GTF2E1: variants seen among roughly 807,000 people sequenced by gnomAD.
The protein encoded by GTF2E1 is TFIIE alpha subunit.
A neutral mutation model predicts 34.9 loss-of-function variants in GTF2E1; 14 were observed. The observed-to-expected ratio is 0.40, with a 90% CI of 0.27 to 0.63. The LOEUF is 0.63. GTF2E1 is among the 20% of genes least tolerant of loss of function. The pLI is 0.39. For synonymous variants in GTF2E1, 188 were observed against 192.9 expected (o/e 0.97, Z 0.21); for missense variants, 469 against 557.7 (o/e 0.84, Z 1.60).
At chr3:120,752,918 TA>T (rs911101004) in intron 2 of GTF2E1, among the ~76,000 whole-genome samples, 3 of 152,156 alleles carry the variant, frequency 2.0e-5, no homozygotes, top group African/African-American at 7.2e-5. Flanking sequence ...CACTAATGCT[TA>T]ATTGGCAGTT....
intron 2 of GTF2E1, among the ~76,000 whole-genome samples, chr3:120,762,007 G>A (rs1709268499): frequency 6.6e-6 from 1 of 152,002 alleles, no homozygotes; most frequent in South Asian, 2.1e-4. Context: ...AGCCAGGATG[G>A]TCTCGATCTC....
chr3:120,765,328 C>T (rs969988901), intron 2 of GTF2E1, among the ~76,000 whole-genome samples: 3 of 151,996 alleles, frequency 2.0e-5, no homozygotes, highest in Admixed American at 6.6e-5. Flanking sequence ...AATGCCTGTT[C>T]GTTATCTGCA....
intron 2 of GTF2E1, among the ~76,000 whole-genome samples, chr3:120,757,440 ATGAG>A (rs1709218591): frequency 6.6e-6 from 1 of 152,102 alleles, no homozygotes; most frequent in African/African-American, 2.4e-5. Flanking sequence ...ATGCAGATGA[ATGAG>A]TATTTTGCAG....
chr3:120,780,060 CT>C (rs1000522932), intron 4 of GTF2E1, among the ~76,000 whole-genome samples: 1 of 152,062 alleles, frequency 6.6e-6, no homozygotes, highest in Non-Finnish European at 1.5e-5. Flanking sequence ...AAATTAGATT[CT>C]TTTTTTATAA....
chr3:120,762,777 G>A (rs563826055), intron 2 of GTF2E1, among the ~76,000 whole-genome samples: 1 of 152,224 alleles, frequency 6.6e-6, no homozygotes, highest in South Asian at 2.1e-4. Flanking sequence ...ACCATTCTTG[G>A]CCTTCTTTTA....
chr3:120,759,720 G>C (rs1418555967), intron 2 of GTF2E1, among the ~76,000 whole-genome samples: 2 of 152,208 alleles, frequency 1.3e-5, no homozygotes, highest in East Asian at 3.9e-4. Flanking sequence ...TCTTGTTTTT[G>C]TCAGGTTTGT....
intron 4 of GTF2E1, among the ~76,000 whole-genome samples, chr3:120,777,694 A>G (rs1333894278): frequency 6.6e-6 from 1 of 152,208 alleles, no homozygotes; most frequent in Admixed American, 6.5e-5. Context: ...CAAGGCAACC[A>G]TACTTTACCC....
chr3:120,748,454 C>T (rs1232201240), intron 1 of GTF2E1, among the ~76,000 whole-genome samples: 2 of 152,220 alleles, frequency 1.3e-5, no homozygotes, highest in Admixed American at 1.3e-4. Context: ...GATCCAGTTT[C>T]AGCTTTCTCC....
intron 1 of GTF2E1, among the ~76,000 whole-genome samples, chr3:120,746,904 A>C (rs1447969671): frequency 5.3e-5 from 8 of 152,236 alleles, no homozygotes; most frequent in Admixed American, 4.6e-4. Flanking sequence ...GTTGATATGG[A>C]AGCTGTCCTT....
In GTF2E1 at chr3:120,782,276, T is replaced by C. The variant is rs948917539; in HGVS notation, c.*806T>C. On this transcript the variant is annotated 3_prime_UTR_variant, in exon 5 of 5. Transcript: ENST00000283875. ...TCCTCAAAATTGAGATGGATCAATATGTAAGGGGAGGTGGGAGCGTGTGTG... is the reference window on the plus strand; with the variant it reads ...TCCTCAAAATTGAGATGGATCAATACGTAAGGGGAGGTGGGAGCGTGTGTG... The C allele has an allele frequency of 6.6e-6, 1 of 152,174 alleles. No individual in the cohort carries two copies. The allele number at this position is 152,174 out of a possible 1,614,324, so 9.4% of individuals were successfully genotyped here.
At chr3:120,752,118 A>G (rs145490942) in intron 2 of GTF2E1, among the ~76,000 whole-genome samples, 8 of 152,316 alleles carry the variant, frequency 5.3e-5, no homozygotes, top group Non-Finnish European at 7.4e-5. Flanking sequence ...CTGTGAGGCA[A>G]TGATTTTGGA....
intron 4 of GTF2E1, among the ~76,000 whole-genome samples, chr3:120,778,093 T>G (rs1267820464): frequency 3.9e-5 from 6 of 152,240 alleles, no homozygotes; most frequent in African/African-American, 1.4e-4. Context: ...CTTAATAAAT[T>G]TGTTTTCCCC....
chr3:120,763,016 T>A (rs1164569475), intron 2 of GTF2E1, among the ~76,000 whole-genome samples: 2 of 152,182 alleles, frequency 1.3e-5, no homozygotes, highest in Non-Finnish European at 2.9e-5. Context: ...ATAGAAAATA[T>A]GCTCTGTTTA....
chr3:120,763,249 C>T (rs1209819898), intron 2 of GTF2E1, among the ~76,000 whole-genome samples: 2 of 152,116 alleles, frequency 1.3e-5, no homozygotes, highest in African/African-American at 4.8e-5. Flanking sequence ...CATGTATTAT[C>T]CTTCAGTTTG....
intron 2 of GTF2E1, among the ~76,000 whole-genome samples, chr3:120,770,409 G>A (rs1449746759): frequency 6.6e-6 from 1 of 152,166 alleles, no homozygotes; most frequent in Non-Finnish European, 1.5e-5. Flanking sequence ...AAGGGTACAA[G>A]TTGTGGTGGT....
At chr3:120,780,973 A>G in intron 4 of GTF2E1, 70 bp from the exon 5 acceptor site, 1 of 950,870 alleles carries the variant, frequency 1.1e-6, no homozygotes, top group South Asian at 1.8e-5. Flanking sequence ...ATGTTAAAAT[A>G]TTGTCTATAT....
intron 2 of GTF2E1, among the ~76,000 whole-genome samples, chr3:120,762,023 C>G (rs1709268737): frequency 6.6e-6 from 1 of 152,120 alleles, no homozygotes; most frequent in Non-Finnish European, 1.5e-5. Context: ...ATCTCCTGAC[C>G]TCGTGATCCA....
At chr3:120,774,279 A>AATT (rs1489690216) in intron 3 of GTF2E1, among the ~76,000 whole-genome samples, 1 of 152,186 alleles carries the variant, frequency 6.6e-6, no homozygotes, top group Non-Finnish European at 1.5e-5. Context: ...CATTGAAAGG[A>AATT]GTCAGAGAGA....
chr3:120,748,490 C>T (rs991444072), intron 1 of GTF2E1, among the ~76,000 whole-genome samples: 2 of 152,180 alleles, frequency 1.3e-5, no homozygotes, highest in Non-Finnish European at 1.5e-5. Flanking sequence ...TTTCCCAGCA[C>T]CATTTATTAA....
Sources: allele counts gnomAD v4.1 joint callset (sites outside exome capture counted in the v4.1 genomes callset), GRCh38; gene constraint gnomAD v4.1.1; transcripts MANE v1.5; gene names NCBI Gene and HGNC (gene_info 2026-07-23, HGNC 2026-07-21).